Variants in THSD4 observed in about 807,000 individuals in gnomAD.
THSD4 encodes thrombospondin type 1 domain containing 4, also known as thrombospondin type-1 domain-containing protein 4.
A neutral mutation model predicts 119.0 loss-of-function variants in THSD4; 69 were observed. That is an observed-to-expected ratio of 0.58 (90% confidence interval 0.48 to 0.71). The LOEUF is 0.71. Among genes scored for constraint, THSD4 ranks in the 30% least tolerant of loss-of-function variants. The pLI is 0.00. For missense variants in THSD4, 1,393 were observed against 1,391.1 expected (o/e 1.00, Z -0.02); for synonymous variants, 524 against 540.4 (o/e 0.97, Z 0.42).
At chr15:71,379,619 C>G (rs563114699) in intron 6 of THSD4, among the ~76,000 whole-genome samples, 1 of 151,428 alleles carries the variant, frequency 6.6e-6, no homozygotes, top group Non-Finnish European at 1.5e-5. Context: ...CCACCATGCC[C>G]GGCTAATTTT....
intron 5 of THSD4, among the ~76,000 whole-genome samples, chr15:71,244,040 C>T (rs547357168): frequency 3.3e-5 from 5 of 151,302 alleles, no homozygotes; most frequent in Non-Finnish European, 7.4e-5. Flanking sequence ...CTGCCTCTGC[C>T]TCCCAAAGTG....
chr15:71,356,223 T>C (rs978742990), intron 6 of THSD4, among the ~76,000 whole-genome samples: 3 of 152,088 alleles, frequency 2.0e-5, no homozygotes, highest in Non-Finnish European at 4.4e-5. Context: ...AGATTCTAAT[T>C]AGTTTATTCT....
At chr15:71,199,573 AGTG>A (rs2043756648) in intron 3 of THSD4, among the ~76,000 whole-genome samples, 4 of 47,066 alleles carry the variant, frequency 8.5e-5, no homozygotes, top group Non-Finnish European at 1.2e-4. Context: ...GTGTGTGTGT[AGTG>A]TGTGTGTGTG....
chr15:71,534,319 A>G (rs1321725140), intron 7 of THSD4, among the ~76,000 whole-genome samples: 1 of 152,202 alleles, frequency 6.6e-6, no homozygotes, highest in Non-Finnish European at 1.5e-5. Context: ...CTGTTTCCCT[A>G]GACTCTTGCC....
rs150911325 is a variant in THSD4 at position 71,146,424 on chromosome 15, C to G, written c.29+4868C>G. 2.0e-5 allele frequency among the ~76,000 whole-genome samples: 3 copies of G among 151,534 alleles called. No individual in the cohort carries two copies. In the East Asian group the frequency reaches 5.8e-4, roughly 29 times the overall value. ...CCTAATCATTTGCAGTTGTCTCATC[C>G]ACACCTAATTTGCCAGTAGTTTTTT... On this transcript the variant is annotated intron_variant, in intron 2 of 17. Transcript: ENST00000261862.
intron 7 of THSD4, among the ~76,000 whole-genome samples, chr15:71,631,282 A>G (rs1047349947): frequency 6.6e-6 from 1 of 152,146 alleles, no homozygotes; most frequent in Non-Finnish European, 1.5e-5. Context: ...AAGTGATTCT[A>G]GGATACACTC....
At chr15:71,131,271 A>G (rs2040501557) in intron 1 of THSD4, among the ~76,000 whole-genome samples, 1 of 152,266 alleles carries the variant, frequency 6.6e-6, no homozygotes, top group African/African-American at 2.4e-5. Flanking sequence ...TAATTGATTT[A>G]AAGACACTAA....
At chr15:71,473,116 G>T (rs2047607026) in intron 7 of THSD4, among the ~76,000 whole-genome samples, 1 of 150,198 alleles carries the variant, frequency 6.7e-6, no homozygotes, top group South Asian at 2.1e-4. Context: ...GAGTACAATG[G>T]TGTGATCCTG....
intron 7 of THSD4, among the ~76,000 whole-genome samples, chr15:71,540,716 T>G (rs1413811910): frequency 4.7e-5 from 6 of 127,586 alleles, no homozygotes; most frequent in Non-Finnish European, 8.1e-5. Flanking sequence ...CATGAGCCAC[T>G]GCACCTGGCC....
At chr15:71,260,570 G>A (rs2044381132) in intron 6 of THSD4, among the ~76,000 whole-genome samples, 1 of 152,172 alleles carries the variant, frequency 6.6e-6, no homozygotes, top group Non-Finnish European at 1.5e-5. Context: ...AAGGTATTTT[G>A]TTGGTCATGT....
At position 71,724,287 on chromosome 15, in the gene THSD4, A is replaced by ATATATATATATATATATATATATATTTT; in HGVS notation, c.1358-4261_1358-4260insATATATATATATATATATATATATTTTT. The stretch of plus-strand genomic sequence containing the variant: ...ATGGGATATATATATATATATATAT[A>ATATATATATATATATATATATATATTTT]TTTTTTTTTTCCCCCCAAGATGGAA... On this transcript the variant is annotated intron_variant, in intron 8 of 17. Coordinates refer to ENST00000261862, the MANE Select transcript of THSD4 (RefSeq NM_024817.3). 2.2e-3 allele frequency among the ~76,000 whole-genome samples: 80 copies of ATATATATATATATATATATATATATTTT among 37,158 alleles called. 2 individuals are homozygous for ATATATATATATATATATATATATATTTT. The highest frequency in any genetic ancestry group is 3.2e-3 in the Non-Finnish European group (52 of 16,332). 24.4% of individuals were successfully genotyped at this position (37,158 alleles called of 152,430 possible).
At chr15:71,412,563 C>A (rs1199054258) in intron 7 of THSD4, among the ~76,000 whole-genome samples, 1 of 152,156 alleles carries the variant, frequency 6.6e-6, no homozygotes, top group African/African-American at 2.4e-5. Flanking sequence ...CTCTGGAGCC[C>A]AAACGAAGAG....
chr15:71,519,124 G>A (rs962316878), intron 7 of THSD4, among the ~76,000 whole-genome samples: 15 of 152,244 alleles, frequency 9.9e-5, no homozygotes, highest in African/African-American at 2.6e-4. Context: ...AGACCTGAGT[G>A]ATATGAAGGA....
chr15:71,393,697 T>C (rs946384723), intron 6 of THSD4, among the ~76,000 whole-genome samples: 1 of 152,188 alleles, frequency 6.6e-6, no homozygotes, highest in African/African-American at 2.4e-5. Flanking sequence ...GTTAATTCAA[T>C]TGAGCAATTG....
intron 8 of THSD4, among the ~76,000 whole-genome samples, chr15:71,681,756 T>C (rs1467965358): frequency 6.6e-6 from 1 of 151,862 alleles, no homozygotes; most frequent in African/African-American, 2.4e-5. Flanking sequence ...ACCGTTTGAG[T>C]TGTATCCAGT....
intron 1 of THSD4, among the ~76,000 whole-genome samples, chr15:71,131,484 A>AG (rs2040503951): frequency 6.6e-6 from 1 of 151,964 alleles, no homozygotes; most frequent in South Asian, 2.1e-4. Flanking sequence ...AAAAAAAAAA[A>AG]TCATTTCAAA....
intron 4 of THSD4, among the ~76,000 whole-genome samples, chr15:71,237,322 G>T (rs8041949): frequency 0.53 from 80,063 of 151,740 alleles, 21,103 homozygotes; most frequent in Admixed American, 0.58. Flanking sequence ...CTAGACCAAT[G>T]GAATCGGAGT....
chr15:71,401,099 G>T (rs2140484856), intron 6 of THSD4, among the ~76,000 whole-genome samples: 1 of 151,896 alleles, frequency 6.6e-6, no homozygotes, highest in South Asian at 2.1e-4. Context: ...CCCTCCCAAA[G>T]TCTCTTCTTG....
At position 71,253,325 on chromosome 15, in the gene THSD4, C is replaced by T. The variant is rs942321210; in HGVS notation, c.913-3288C>T. On this transcript the variant is annotated intron_variant, in intron 5 of 17. Coordinates refer to ENST00000261862, the MANE Select transcript of THSD4 (RefSeq NM_024817.3). ...ACCAGGCATTAGTGGAGTATTAAGC[C>T]GTACCCTAAGATTATAAACTGCAAA... Among the ~76,000 whole-genome samples the T allele has an allele frequency of 8.5e-5, 13 of 152,176 alleles. No individual in the cohort carries two copies. In the South Asian group the frequency reaches 2.3e-3, roughly 27 times the overall value.
Sources: gnomAD v4.1 joint callset for allele counts (sites outside exome capture counted in the v4.1 genomes callset) on GRCh38, gnomAD v4.1.1 for gene constraint, MANE v1.5 for transcripts, NCBI Gene and HGNC (gene_info 2026-07-23, HGNC 2026-07-21) for gene names.